Variants in ZBTB40 observed in about 807,000 individuals in gnomAD.
The protein encoded by ZBTB40 is zinc finger and BTB domain-containing protein 40.
Under a neutral mutation model 117.5 loss-of-function variants are expected in ZBTB40, and 60 were observed. The observed-to-expected ratio is 0.51, with a 90% CI of 0.41 to 0.63. The LOEUF (loss-of-function observed/expected upper bound fraction) is 0.63. ZBTB40 is among the 30% of genes least tolerant of loss of function. ZBTB40 has a pLI of 0.00. For synonymous variants in ZBTB40, 525 were observed against 577.1 expected (o/e 0.91, Z 1.29); for missense variants, 1,287 against 1,498.5 (o/e 0.86, Z 2.33).
chr1:22,503,484 G>A (rs149378686), intron 5 of ZBTB40, among the ~76,000 whole-genome samples: 8 of 152,160 alleles, frequency 5.3e-5, no homozygotes, highest in African/African-American at 1.7e-4. Flanking sequence ...CGTGGGAAGC[G>A]ACTTAAGTGT....
chr1:22,509,360 CTT>C, intron 9 of ZBTB40, 127 bp downstream of exon 9: 1 of 1,381,468 alleles, frequency 7.2e-7, no homozygotes. Context: ...TCCTTTTTCT[CTT>C]TTGAGACAGA....
chr1:22,447,669 C>A (rs1047097315), upstream of ZBTB40, among the ~76,000 whole-genome samples: 1 of 152,180 alleles, frequency 6.6e-6, no homozygotes, highest in South Asian at 2.1e-4. Flanking sequence ...GGGTCAGGCC[C>A]GCAGAAGTGC....
rs1281415229 is a variant in ZBTB40, at chr1:22,517,583, C to A, written c.2833+119C>A. ...AGCTCCATTCAGTGCATTCCCCTTA[C>A]CTGTTCCGCTGCAAAACCCAGAGTC... On this transcript the variant is annotated intron_variant, in intron 13 of 17. Coordinates refer to ENST00000375647, the MANE Select transcript of ZBTB40 (RefSeq NM_014870.4). The A allele has an allele frequency of 1.1e-5, 14 of 1,253,802 alleles. No individual in the cohort carries two copies. The East Asian group carries it at 2.7e-4, about 24-fold the overall frequency. 77.7% of individuals were successfully genotyped at this position (1,253,802 alleles called of 1,614,324 possible).
chr1:22,474,902 C>G (rs1641517740), intron 1 of ZBTB40, among the ~76,000 whole-genome samples: 1 of 145,400 alleles, frequency 6.9e-6, no homozygotes, highest in Non-Finnish European at 1.5e-5. Context: ...AAATAGAAGT[C>G]AAGATTTTAT....
chr1:22,480,657 G>T (rs1376958053), intron 1 of ZBTB40, among the ~76,000 whole-genome samples: 1 of 152,102 alleles, frequency 6.6e-6, no homozygotes, highest in Non-Finnish European at 1.5e-5. Context: ...GCCCTTTTCT[G>T]TGTTTTTCTT....
chr1:22,492,074 T>A (rs1303456293), intron 3 of ZBTB40, among the ~76,000 whole-genome samples: 1 of 152,192 alleles, frequency 6.6e-6, no homozygotes. Flanking sequence ...TTCACAAAAA[T>A]CATCAGTGTG....
rs114504369 is a variant in ZBTB40, at chr1:22,479,811, A to G, written c.-69-10069A>G. Among the ~76,000 whole-genome samples, 869 of 152,174 alleles carry G rather than the reference A, an allele frequency of 5.7e-3. 6 individuals carry two copies. Among genetic ancestry groups the G allele is most frequent in the African/African-American group, 0.02 (839 of 41,520 alleles). ...CTGCTACCTTATAAGCAGTTTTCTC[A>G]GACTTTTCTTCCTAATCACACATTT... is the stretch of plus-strand genomic sequence containing the variant. On this transcript the variant is annotated intron_variant, in intron 1 of 17. Coordinates refer to ENST00000375647, the MANE Select transcript of ZBTB40 (RefSeq NM_014870.4).
intron 15 of ZBTB40, among the ~76,000 whole-genome samples, chr1:22,522,063 A>C (rs1639541156): frequency 6.6e-6 from 1 of 152,126 alleles, no homozygotes; most frequent in African/African-American, 2.4e-5. Context: ...TTTGCAGGTA[A>C]ATTTGGTGAT....
At chr1:22,526,002 A>G (rs1639666223) in intron 17 of ZBTB40, among the ~76,000 whole-genome samples, 200 bp from the exon 18 acceptor site, 2 of 152,196 alleles carry the variant, frequency 1.3e-5, no homozygotes, top group Non-Finnish European at 2.9e-5. Context: ...AATTTAGTGC[A>G]CAGTTATTTA....
In ZBTB40 at chr1:22,489,519, G is replaced by A. The variant is rs550357033; in HGVS notation, c.-69-361G>A. Among the ~76,000 whole-genome samples, 11 of 152,324 alleles carry A rather than the reference G, an allele frequency of 7.2e-5. No homozygotes were observed. In the South Asian group the frequency reaches 2.1e-3, roughly 29 times the overall value. The stretch of plus-strand genomic sequence containing the variant: ...GCTTTTTGGGAGCAGGAATGGTAGT[G>A]TAGTTAGAGCTTCGAAGTCAGTGAG... On this transcript the variant is annotated intron_variant, in intron 1 of 17. Coordinates refer to ENST00000375647, the MANE Select transcript of ZBTB40 (RefSeq NM_014870.4).
chr1:22,505,139 A>C (rs1163390713), intron 5 of ZBTB40, among the ~76,000 whole-genome samples: 1 of 152,214 alleles, frequency 6.6e-6, no homozygotes, highest in Non-Finnish European at 1.5e-5. Flanking sequence ...CCTCTGGCAT[A>C]CTACCATGAC....
intron 1 of ZBTB40, among the ~76,000 whole-genome samples, chr1:22,457,467 A>G (rs1359297012): frequency 1.3e-5 from 2 of 152,202 alleles, no homozygotes; most frequent in African/African-American, 4.8e-5. Context: ...TTTAAAAAGT[A>G]GTTACTTCCA....
intron 3 of ZBTB40, among the ~76,000 whole-genome samples, chr1:22,495,847 C>T (rs1638760256): frequency 6.6e-6 from 1 of 152,200 alleles, no homozygotes; most frequent in Non-Finnish European, 1.5e-5. Context: ...TTTAACTCTT[C>T]TGGACATTAG....
At chr1:22,487,552 T>C (rs1399224012) in intron 1 of ZBTB40, among the ~76,000 whole-genome samples, 4 of 149,554 alleles carry the variant, frequency 2.7e-5, no homozygotes, top group African/African-American at 7.7e-5. Context: ...GGGAATTGTT[T>C]CTCTCTGTCC....
At chr1:22,485,800 T>G (rs752129380) in intron 1 of ZBTB40, among the ~76,000 whole-genome samples, 6 of 152,238 alleles carry the variant, frequency 3.9e-5, no homozygotes, top group Non-Finnish European at 7.3e-5. Context: ...GCTAGGAGAT[T>G]CTTTCCTCAG....
intron 1 of ZBTB40, among the ~76,000 whole-genome samples, chr1:22,467,237 A>G (rs894478758): frequency 6.6e-6 from 1 of 152,148 alleles, no homozygotes; most frequent in Non-Finnish European, 1.5e-5. Context: ...CTGGAATTAT[A>G]CAGCTTGTAT....
chr1:22,433,613 A>AT (rs1640630319), intron 1 of ZBTB40, among the ~76,000 whole-genome samples: 1 of 145,844 alleles, frequency 6.9e-6, no homozygotes, highest in African/African-American at 2.5e-5. Flanking sequence ...GCATCCATGG[A>AT]TTTTGATATA....
chr1:22,511,388 C>T (rs1639228235), intron 10 of ZBTB40, 41 bp downstream of exon 10: 3 of 1,609,704 alleles, frequency 1.9e-6, no homozygotes, highest in Non-Finnish European at 2.5e-6. Flanking sequence ...CCTATCAGCA[C>T]ACCAGGTTGT....
intron 17 of ZBTB40, among the ~76,000 whole-genome samples, chr1:22,525,962 C>T (rs1396135028): frequency 6.6e-6 from 1 of 152,162 alleles, no homozygotes; most frequent in East Asian, 1.9e-4. Context: ...TCCGGGCGCC[C>T]CGAGATGGCG....
Sources: gnomAD v4.1 joint callset for allele counts (sites outside exome capture counted in the v4.1 genomes callset) on GRCh38, gnomAD v4.1.1 for gene constraint, MANE v1.5 for transcripts, NCBI Gene and HGNC (gene_info 2026-07-23, HGNC 2026-07-21) for gene names.